PRKG1: variants seen among roughly 807,000 people sequenced by gnomAD.
PRKG1 encodes cGMP-dependent protein kinase 1.
A neutral mutation model predicts 88.1 loss-of-function variants in PRKG1; 35 were observed. That is an observed-to-expected ratio of 0.40 (90% CI 0.30 to 0.53). The LOEUF (loss-of-function observed/expected upper bound fraction) is 0.53, where lower values mean the gene tolerates loss of function less well. PRKG1 is among the 20% of genes least tolerant of loss of function. PRKG1 has a pLI of 0.59. For missense variants in PRKG1, 540 were observed against 839.8 expected (o/e 0.64, Z 4.41); for synonymous variants, 303 against 292.5 (o/e 1.04, Z -0.37).
At chr10:51,126,467 A>G (rs1845423362) in intron 1 of PRKG1, among the ~76,000 whole-genome samples, 1 of 141,664 alleles carries the variant, frequency 7.1e-6, no homozygotes, top group East Asian at 2.0e-4. Context: ...ATATTTATTT[A>G]TAATTATATA....
At chr10:51,939,785 A>G (rs922984765) in intron 5 of PRKG1, among the ~76,000 whole-genome samples, 4 of 150,874 alleles carry the variant, frequency 2.7e-5, no homozygotes, top group Non-Finnish European at 5.9e-5. Context: ...AGAGTACTAT[A>G]TAACTGTAGA....
chr10:52,202,494 T>C (rs981158667), intron 9 of PRKG1, among the ~76,000 whole-genome samples: 1 of 152,128 alleles, frequency 6.6e-6, no homozygotes, highest in Non-Finnish European at 1.5e-5. Context: ...GGTGATTTCT[T>C]TTTTGGTTGT....
At chr10:52,066,687 G>C (rs1846363956) in intron 7 of PRKG1, among the ~76,000 whole-genome samples, 2 of 152,134 alleles carry the variant, frequency 1.3e-5, no homozygotes, top group South Asian at 4.2e-4. Flanking sequence ...CTGAACTCCA[G>C]CTTGCTGCTG....
intron 7 of PRKG1, among the ~76,000 whole-genome samples, chr10:52,106,690 C>T (rs1176929829): frequency 2.8e-5 from 4 of 143,772 alleles, no homozygotes; most frequent in Admixed American, 1.4e-4. Context: ...GGCAGCAGAG[C>T]GAGACTCTGT....
At chr10:52,271,257 T>A in intron 10 of PRKG1, 93 bp from the exon 11 acceptor site, 7 of 1,362,322 alleles carry the variant, frequency 5.1e-6, no homozygotes, top group Non-Finnish European at 7.0e-6. Context: ...CTGAGGTTCA[T>A]TTAAGTGCGC....
At chr10:51,481,210 T>A (rs1389427944) in intron 3 of PRKG1, among the ~76,000 whole-genome samples, 1 of 111,956 alleles carries the variant, frequency 8.9e-6, no homozygotes, top group Non-Finnish European at 1.8e-5. Context: ...CCTCCCTCCT[T>A]TCGTTCCTTC....
chr10:51,691,920 G>A (rs1038207838), intron 3 of PRKG1, among the ~76,000 whole-genome samples: 3 of 152,108 alleles, frequency 2.0e-5, no homozygotes, highest in African/African-American at 7.2e-5. Context: ...GAATAACATT[G>A]ACAATAATTC....
At chr10:51,695,792 T>C (rs1841274714) in intron 3 of PRKG1, 1 of 152,144 alleles carries the variant, frequency 6.6e-6, no homozygotes, top group Admixed American at 6.5e-5. Flanking sequence ...AAACAAAGAA[T>C]TACTAATTTA....
chr10:51,305,879 A>G (rs1841023190), intron 2 of PRKG1, among the ~76,000 whole-genome samples: 1 of 152,218 alleles, frequency 6.6e-6, no homozygotes, highest in South Asian at 2.1e-4. Context: ...TGTAATCAGA[A>G]TAACTATCAC....
intron 5 of PRKG1, among the ~76,000 whole-genome samples, chr10:52,045,637 T>A (rs1051055348): frequency 6.6e-6 from 1 of 152,072 alleles, no homozygotes; most frequent in African/African-American, 2.4e-5. Flanking sequence ...CTAGGCAAGT[T>A]TGGTGTCTTG....
At chr10:51,952,499 T>C (rs1030202609) in intron 5 of PRKG1, among the ~76,000 whole-genome samples, 10 of 152,314 alleles carry the variant, frequency 6.6e-5, no homozygotes, top group Non-Finnish European at 8.8e-5. Context: ...TATAAAAACC[T>C]AACTCATCAG....
intron 1 of PRKG1, among the ~76,000 whole-genome samples, chr10:51,064,159 AT>A (rs1367654798): frequency 2.0e-5 from 3 of 151,990 alleles, no homozygotes; most frequent in African/African-American, 7.2e-5. Flanking sequence ...TCAACATGAC[AT>A]TTTTCTGTTG....
intron 7 of PRKG1, chr10:52,126,130 A>G (rs1182350279): frequency 6.6e-6 from 1 of 152,100 alleles, no homozygotes; most frequent in Admixed American, 6.6e-5. Context: ...CAGGTACCTG[A>G]AGCCTAGGGT....
At chr10:52,262,773 T>C (rs1841463838) in intron 10 of PRKG1, among the ~76,000 whole-genome samples, 3 of 152,262 alleles carry the variant, frequency 2.0e-5, no homozygotes, top group Middle Eastern at 6.8e-3. Context: ...CCTAATATAA[T>C]ATGGCATAGT....
At chr10:51,241,301 C>T (rs1304894095) in intron 2 of PRKG1, among the ~76,000 whole-genome samples, 11 of 149,660 alleles carry the variant, frequency 7.3e-5, no homozygotes, top group Non-Finnish European at 1.2e-4. Flanking sequence ...CTCATTTGCT[C>T]CAATCCAAAA....
intron 5 of PRKG1, among the ~76,000 whole-genome samples, chr10:52,002,355 CT>C (rs1443894083): frequency 2.6e-5 from 4 of 152,094 alleles, no homozygotes; most frequent in Non-Finnish European, 5.9e-5. Flanking sequence ...TGAGGGAATA[CT>C]TTTTGTTTCC....
intron 4 of PRKG1, among the ~76,000 whole-genome samples, chr10:51,833,963 T>C (rs1840066149): frequency 2.0e-5 from 3 of 152,172 alleles, no homozygotes; most frequent in Admixed American, 2.0e-4. Flanking sequence ...TCTTTGTCTT[T>C]CCATGCCTAG....
chr10:51,561,869 G>T (rs1564550699), intron 3 of PRKG1, among the ~76,000 whole-genome samples: 1 of 151,706 alleles, frequency 6.6e-6, no homozygotes, highest in East Asian at 1.9e-4. Flanking sequence ...TGCAAATTAG[G>T]TTTTTTTTCA....
At chr10:51,050,267 C>T (rs1843544846) in intron 1 of PRKG1, among the ~76,000 whole-genome samples, 1 of 151,916 alleles carries the variant, frequency 6.6e-6, no homozygotes, top group Admixed American at 6.6e-5. Flanking sequence ...ACCTCTAGGA[C>T]ATATTCATAT....
Sources: gnomAD v4.1 joint callset for allele counts (sites outside exome capture counted in the v4.1 genomes callset) on GRCh38, gnomAD v4.1.1 for gene constraint, MANE v1.5 for transcripts, NCBI Gene and HGNC (gene_info 2026-07-23, HGNC 2026-07-21) for gene names.